The following ALS2CL variants were observed in gnomAD, a reference collection of about 807,000 sequenced individuals.
ALS2CL encodes the protein ALS2 C-terminal like, also known as ALS2 C-terminal-like protein.
In ALS2CL, 112 loss-of-function variants were observed where a neutral mutation model predicts 127.9. The ratio of observed to expected loss-of-function variants is 0.88; its 90% CI spans 0.75 to 1.02. The LOEUF (loss-of-function observed/expected upper bound fraction) is 1.02. Ranked by LOEUF, ALS2CL falls within the 50% of genes least tolerant of loss-of-function variation. The pLI is 0.00. For synonymous variants in ALS2CL, 519 were observed against 527.6 expected (o/e 0.98, Z 0.22); for missense variants, 1,174 against 1,236.7 (o/e 0.95, Z 0.76).
At chr3:46,682,925 G>A (rs956303901) in intron 10 of ALS2CL, among the ~76,000 whole-genome samples, 2 of 152,234 alleles carry the variant, frequency 1.3e-5, no homozygotes, top group Non-Finnish European at 2.9e-5. Context: ...GTCCTCTAGC[G>A]TCACCATCAA....
intron 9 of ALS2CL, among the ~76,000 whole-genome samples, 162 bp downstream of exon 9, chr3:46,683,620 A>G (rs9810659): frequency 0.77 from 117,428 of 151,674 alleles, 45,658 homozygotes; most frequent in African/African-American, 0.85. Flanking sequence ...GTTCTTTTTG[A>G]CATTCTAATT....
At position 46,689,345 on chromosome 3, in the gene ALS2CL, G is replaced by A. The variant is rs760691427; in HGVS notation, c.96C>T (p.Leu32=). The change falls in exon 2 of 26, where the codon CTC becomes CTT. Residue 32 remains leucine, a synonymous_variant. Transcript: ENST00000318962. ...HVNSLVLQPL[L]PAAPDPSDPW... Reference sequence around the variant, plus strand: ...TAGAAAGCCTAGACTCACCGGCTGGGAGCAGGGGCTGGAGGACAAGGCTGT... The same window carrying A: ...TAGAAAGCCTAGACTCACCGGCTGGAAGCAGGGGCTGGAGGACAAGGCTGT... The A allele has an allele frequency of 1.9e-6, 3 of 1,612,950 alleles. No individual in the cohort carries two copies. Among genetic ancestry groups the A allele is most frequent in the African/African-American group, 1.3e-5 (1 of 75,052 alleles).
Position 46,673,345 on chromosome 3 carries a change from G to T in ALS2CL, c.2466C>A (p.Ser822Arg), listed in dbSNP as rs1158078916. 3 of 1,564,580 alleles carry T rather than the reference G, an allele frequency of 1.9e-6. No individual in the cohort carries two copies. The highest frequency in any genetic ancestry group is 2.7e-5 in the African/African-American group (2 of 73,788). The change falls in exon 22 of 26, where the codon AGC (serine) becomes AGA (arginine). Residue 822 changes from serine to arginine, a missense_variant. Ser to Arg is a moderately radical substitution (Grantham distance 110). Transcript: ENST00000318962. ...GCTCTGGCCTCCCTCTCACCTGATT[G>T]CTCGTCAGCGTGAGGTCCTTGAGGG... ...LWPLKDLTLT[S>R]NQRYSLVRDK...
chr3:46,685,386 CACA>C, intron 7 of ALS2CL, 136 bp downstream of exon 7: 1 of 1,412,522 alleles, frequency 7.1e-7, no homozygotes, highest in Non-Finnish European at 9.6e-7. Context: ...CCCTCCCCAA[CACA>C]ACGCCTTTCT....
intron 3 of ALS2CL, 139 bp from the exon 4 acceptor site, chr3:46,687,823 T>G: frequency 1.1e-6 from 1 of 906,954 alleles, no homozygotes; most frequent in Non-Finnish European, 1.7e-6. Flanking sequence ...CTCTGGGCAC[T>G]GGAGACCTCA....
intron 24 of ALS2CL, 122 bp downstream of exon 24, chr3:46,671,762 T>C (rs1215753041): frequency 6.5e-7 from 1 of 1,527,012 alleles, no homozygotes; most frequent in Non-Finnish European, 8.8e-7. Context: ...GGCCTTGGCT[T>C]CCCCATCTGT....
chr3:46,670,499 T>C lies in ALS2CL; in HGVS notation c.*485A>G, dbSNP rs1698304448. 1 of 153,840 alleles carries C rather than the reference T, an allele frequency of 6.5e-6. No individual in the cohort carries two copies. Among genetic ancestry groups the C allele is most frequent in the Non-Finnish European group, 1.4e-5 (1 of 69,460 alleles). 9.5% of individuals were successfully genotyped at this position (153,840 alleles called of 1,614,324 possible). A position where few individuals can be genotyped will look rare whatever the true frequency, so the allele number is the denominator to read the frequency against. On this transcript the variant is annotated 3_prime_UTR_variant, in exon 26 of 26. Transcript: ENST00000318962. This position sits in a 1 kb window ranked among gnomAD's most constrained non-coding sequence, Gnocchi z 5.5. The stretch of plus-strand genomic sequence containing the variant: ...AGTTCACGGATCTCCAGGCCCATCC[T>C]GTTGACTGCATACCCAGTGAGGCTT...
chr3:46,673,689 A>G (rs1297829141), intron 21 of ALS2CL, among the ~76,000 whole-genome samples: 2 of 152,172 alleles, frequency 1.3e-5, no homozygotes, highest in Admixed American at 1.3e-4. Flanking sequence ...GGCTGTGAGC[A>G]GGGGGATGCA....
At chr3:46,680,992 G>A (rs1203818658) in intron 13 of ALS2CL, 8 of 606,950 alleles carry the variant, frequency 1.3e-5, no homozygotes, top group South Asian at 9.6e-5. Flanking sequence ...GTTTTTAGAC[G>A]TGACAGAGCA....
At chr3:46,671,687 C>G in intron 24 of ALS2CL, 103 bp from the exon 25 acceptor site, 2 of 1,582,448 alleles carry the variant, frequency 1.3e-6, no homozygotes, top group Admixed American at 3.6e-5. Context: ...GGCTGGACAC[C>G]TGGGGTGTGG....
intron 1 of ALS2CL, among the ~76,000 whole-genome samples, chr3:46,691,080 G>T (rs533464586): frequency 2.0e-4 from 30 of 152,264 alleles, no homozygotes; most frequent in Admixed American, 1.8e-3. Flanking sequence ...TCCCTCTGTG[G>T]GCCCCTGAGG....
In ALS2CL at chr3:46,686,340, C is replaced by T. The variant is rs141713088; in HGVS notation, c.634G>A (p.Ala212Thr). ...CGGCCTCTCAGGGTGTGCCAGAGAG[C>T]CTGTGTGGCCACAGCCTGGTCCAAC... ...QELDQAVATQ[A>T]LWHTLRGRLR... The change falls in exon 6 of 26, where the codon GCT (alanine) becomes ACT (threonine). Residue 212 changes from alanine to threonine, a missense_variant. Transcript: ENST00000318962. The surrounding 1 kb of genome is among the most constrained non-coding windows in gnomAD (Gnocchi z 4.3). 2.2e-5 allele frequency: 36 copies of T among 1,613,260 alleles called. No individual in the cohort carries two copies. In the African/African-American group the frequency reaches 4.0e-4, roughly 18 times the overall value.
intron 19 of ALS2CL, chr3:46,675,929 C>T: frequency 1.4e-6 from 2 of 1,427,442 alleles, no homozygotes; most frequent in Non-Finnish European, 1.8e-6. Context: ...GGGGTCACAG[C>T]CCAGCCTGGG....
In ALS2CL at chr3:46,681,275, G is replaced by C. The variant is rs565335903; in HGVS notation, c.1407C>G (p.Ser469Arg). 6.2e-7 allele frequency: 1 copy of C among 1,613,936 alleles called. No homozygotes were observed. The highest frequency in any genetic ancestry group is 8.5e-7 in the Non-Finnish European group (1 of 1,179,966). ...CACCATCCTCCTCAATGCCATAGCC[G>C]CTCCTCTGGCCCCTCTCCCAGTGGC... ...YTGHWERGQR[S>R]GYGIEEDGDR... is the part of the protein sequence containing the mutation. The change falls in exon 13 of 26, where the codon AGC becomes AGG. Residue 469 changes from serine (S) to arginine (R), a missense_variant. Ser to Arg is a moderately radical substitution (Grantham distance 110). Coordinates refer to ENST00000318962, the MANE Select transcript of ALS2CL (RefSeq NM_147129.5). This position sits in a 1 kb window ranked among gnomAD's most constrained non-coding sequence, Gnocchi z 4.9.
intron 15 of ALS2CL, among the ~76,000 whole-genome samples, chr3:46,678,845 A>G (rs1699091970): frequency 6.6e-6 from 1 of 152,318 alleles, no homozygotes; most frequent in Non-Finnish European, 1.5e-5. Flanking sequence ...GCGGGGACAC[A>G]TTGCCTTTTC....
chr3:46,673,859 G>T (rs1698599413), intron 21 of ALS2CL, among the ~76,000 whole-genome samples: 2 of 152,190 alleles, frequency 1.3e-5, no homozygotes, highest in Admixed American at 1.3e-4. Context: ...ACAGGGATTT[G>T]CAGGGTGGGT....
chr3:46,675,600 G>A lies in ALS2CL; in HGVS notation c.2255+18C>T, dbSNP rs1698751658. 5 of 1,612,560 alleles carry A rather than the reference G, an allele frequency of 3.1e-6. No individual in the cohort carries two copies. In the South Asian group the frequency reaches 3.3e-5, roughly 11 times the overall value. On this transcript the variant is annotated intron_variant, in intron 20 of 25. Coordinates refer to ENST00000318962, the MANE Select transcript of ALS2CL (RefSeq NM_147129.5). ...CTCCCTGGACACGGCAGGCCCCAAGGAGACCTGCGCCAGTCACCTTGTCTC... is the reference window on the plus strand; with the variant it reads ...CTCCCTGGACACGGCAGGCCCCAAGAAGACCTGCGCCAGTCACCTTGTCTC...
Position 46,674,446 on chromosome 3 carries a change from A to G in ALS2CL, c.2429+120T>C, listed in dbSNP as rs561371539. On this transcript the variant is annotated intron_variant, in intron 21 of 25. Transcript: ENST00000318962. ...CCTAGATCCAGCCACACCTGAATGC[A>G]TAAGCTTAGAACTTGGTGGGTACAT... is the stretch of plus-strand genomic sequence containing the variant. 1.6e-5 allele frequency: 21 copies of G among 1,317,952 alleles called. No homozygotes were observed. The East Asian group carries it at 4.5e-4, about 28-fold the overall frequency. 81.6% of individuals were successfully genotyped at this position (1,317,952 alleles called of 1,614,324 possible). A position where few individuals can be genotyped will look rare whatever the true frequency, so the allele number is the denominator to read the frequency against.
chr3:46,691,412 A>G (rs1700144500), intron 1 of ALS2CL, among the ~76,000 whole-genome samples: 1 of 152,002 alleles, frequency 6.6e-6, no homozygotes, highest in Non-Finnish European at 1.5e-5. Context: ...TGCTAGGAAG[A>G]CTTGAACACC....
Sources: gnomAD v4.1 joint callset for allele counts (sites outside exome capture counted in the v4.1 genomes callset) on GRCh38, gnomAD v4.1.1 for gene constraint, Gnocchi (gnomAD v3.1) non-coding constraint, MANE v1.5 for transcripts, NCBI Gene and HGNC (gene_info 2026-07-23, HGNC 2026-07-21) for gene names.